Variants in EPS8 observed in about 807,000 individuals in gnomAD.
EPS8 encodes the protein EGFR pathway substrate 8, signaling adaptor, also known as epidermal growth factor receptor kinase substrate 8.
Under a neutral mutation model 103.8 loss-of-function variants are expected in EPS8, and 42 were observed. The ratio of observed to expected loss-of-function variants is 0.40; its 90% CI spans 0.32 to 0.52. The LOEUF (loss-of-function observed/expected upper bound fraction) is 0.52. EPS8 is among the 20% of genes least tolerant of loss of function. The pLI, the probability that EPS8 is intolerant of heterozygous loss-of-function variation, is 0.40. For missense variants in EPS8, 969 were observed against 1,005.1 expected (o/e 0.96, Z 0.49); for synonymous variants, 344 against 344.6 (o/e 1.00, Z 0.02).
At chr12:15,691,673 G>A (rs1946174087) in intron 1 of EPS8, among the ~76,000 whole-genome samples, 1 of 152,170 alleles carries the variant, frequency 6.6e-6, no homozygotes. Flanking sequence ...TATGAGGGAT[G>A]AGGTTGGAGA....
chr12:15,718,613 C>T (rs1345171250), intron 1 of EPS8, among the ~76,000 whole-genome samples: 2 of 152,138 alleles, frequency 1.3e-5, no homozygotes, highest in African/African-American at 4.8e-5. Context: ...TCACCTGGCT[C>T]AAATGGAACT....
rs1455142731 is a variant in EPS8, at chr12:15,780,952, T to C, written c.-22+8209A>G. Among the ~76,000 whole-genome samples the C allele has an allele frequency of 6.6e-6, 1 of 152,228 alleles. No homozygotes were observed. The highest frequency in any genetic ancestry group is 6.5e-5 in the Admixed American group (1 of 15,282). ...CAGCAAGCCTTTTGTGAGTGTGTCATATGGCTGACACATATGGTCATATGT... is the reference window on the plus strand; with the variant it reads ...CAGCAAGCCTTTTGTGAGTGTGTCACATGGCTGACACATATGGTCATATGT... On this transcript the variant is annotated intron_variant, in intron 1 of 20. Coordinates refer to ENST00000281172, the MANE Select transcript of EPS8 (RefSeq NM_004447.6). The surrounding 1 kb of genome is among the most constrained non-coding windows in gnomAD (Gnocchi z 4.1).
chr12:15,667,173 C>G (rs1448273746), intron 6 of EPS8, among the ~76,000 whole-genome samples: 4 of 152,164 alleles, frequency 2.6e-5, no homozygotes, highest in African/African-American at 9.7e-5. Flanking sequence ...GATCATTACT[C>G]TATATTAGAA....
At chr12:15,666,367 T>C (rs574432254) in intron 7 of EPS8, 73 bp downstream of exon 7, 2 of 1,115,898 alleles carry the variant, frequency 1.8e-6, no homozygotes, top group African/African-American at 3.1e-5. Flanking sequence ...GAAAATAATT[T>C]TTCTAACTCT....
intron 18 of EPS8, among the ~76,000 whole-genome samples, chr12:15,626,306 T>C (rs994051785): frequency 1.3e-5 from 2 of 152,158 alleles, no homozygotes; most frequent in Non-Finnish European, 2.9e-5. Flanking sequence ...TTTCTCTTCA[T>C]TCTCTTCTCA....
At chr12:15,732,490 A>G (rs1247659077) in intron 1 of EPS8, among the ~76,000 whole-genome samples, 1 of 152,134 alleles carries the variant, frequency 6.6e-6, no homozygotes, top group African/African-American at 2.4e-5. Flanking sequence ...CCCTTTTACA[A>G]CTATAACATT....
chr12:15,748,280 A>G lies in EPS8; in HGVS notation c.-22+40881T>C, dbSNP rs1946896084. Among the ~76,000 whole-genome samples, 1 of 152,222 alleles carries G rather than the reference A, an allele frequency of 6.6e-6. No individual in the cohort carries two copies. Among genetic ancestry groups the G allele is most frequent in the Non-Finnish European group, 1.5e-5 (1 of 68,042 alleles). On this transcript the variant is annotated intron_variant, in intron 1 of 20. Coordinates refer to ENST00000281172, the MANE Select transcript of EPS8 (RefSeq NM_004447.6). This position sits in a 1 kb window ranked among gnomAD's most constrained non-coding sequence, Gnocchi z 4.8. Reference sequence around the variant, plus strand: ...TTGAAAACTTCGAAATTCTTCACAAATATCAATTAAAATATTATGAAGTAA... The same window carrying G: ...TTGAAAACTTCGAAATTCTTCACAAGTATCAATTAAAATATTATGAAGTAA...
At chr12:15,676,977 A>T (rs1201885009) in intron 3 of EPS8, among the ~76,000 whole-genome samples, 4 of 152,218 alleles carry the variant, frequency 2.6e-5, no homozygotes, top group African/African-American at 9.7e-5. Context: ...CAATTATACC[A>T]CTTATAAAAA....
At chr12:15,678,171 T>G (rs1945942053) in intron 3 of EPS8, among the ~76,000 whole-genome samples, 1 of 151,216 alleles carries the variant, frequency 6.6e-6, no homozygotes, top group Non-Finnish European at 1.5e-5. Context: ...CAAAGCTACC[T>G]AAAAAAAAAC....
chr12:15,704,757 G>A lies in EPS8; in HGVS notation c.-21-21785C>T, dbSNP rs10744097. Among the ~76,000 whole-genome samples, 139,758 of 152,210 alleles carry A rather than the reference G, an allele frequency of 0.92. 65,293 individuals are homozygous for A. The highest frequency in any genetic ancestry group is 1 in the Non-Finnish European group (67,898 of 68,028). The stretch of plus-strand genomic sequence containing the variant: ...AATATCAACTTTATCACAATAATTA[G>A]AGAAATCTGAGGAACAAATGAACTA... On this transcript the variant is annotated intron_variant, in intron 1 of 20. Transcript: ENST00000281172. This position sits in a 1 kb window ranked among gnomAD's most constrained non-coding sequence, Gnocchi z 4.6.
chr12:15,710,881 T>G (rs918423837), intron 1 of EPS8, among the ~76,000 whole-genome samples: 1 of 152,090 alleles, frequency 6.6e-6, no homozygotes, highest in Non-Finnish European at 1.5e-5. Flanking sequence ...AAGGCTAGAA[T>G]TTTTTCTAAG....
At chr12:15,639,387 T>C (rs1945190559) in intron 17 of EPS8, among the ~76,000 whole-genome samples, 1 of 149,248 alleles carries the variant, frequency 6.7e-6, no homozygotes, top group East Asian at 2.0e-4. Context: ...ACTAAGAAAA[T>C]TCACTTCAAA....
rs906412320 is a variant in EPS8, at chr12:15,733,693, G to A, written c.-21-50721C>T. On this transcript the variant is annotated intron_variant, in intron 1 of 20. Coordinates refer to ENST00000281172, the MANE Select transcript of EPS8 (RefSeq NM_004447.6). This position sits in a 1 kb window ranked among gnomAD's most constrained non-coding sequence, Gnocchi z 4.8. ...AAAACAAACAAACAGAAAAACTAAT[G>A]GAGATAGAAGAAATATCCATTCCAT... 2.0e-5 allele frequency among the ~76,000 whole-genome samples: 3 copies of A among 151,894 alleles called. No individual in the cohort carries two copies. The highest frequency in any genetic ancestry group is 7.3e-5 in the African/African-American group (3 of 41,318).
chr12:15,669,601 T>C (rs778865946), intron 5 of EPS8, 63 bp downstream of exon 5: 29 of 1,557,484 alleles, frequency 1.9e-5, no homozygotes, highest in Admixed American at 7.7e-5. Flanking sequence ...TCTGAAATGA[T>C]TGTAAACATT....
At position 15,631,505 on chromosome 12, in the gene EPS8, A is replaced by T. The variant is rs1173001683; in HGVS notation, c.1981T>A (p.Ser661Thr). 1 of 1,613,792 alleles carries T rather than the reference A, an allele frequency of 6.2e-7. No individual in the cohort carries two copies. The highest frequency in any genetic ancestry group is 8.5e-7 in the Non-Finnish European group (1 of 1,179,988). ...PANITRQNSS[S>T]SDSGGSIVRD... is the part of the protein sequence containing the mutation. ...ACGATACTGCCACCACTGTCACTGG[A>T]GCTGCTGTTTTGACGTGTTATATTT... Residue 661 changes from serine (S) to threonine (T), a missense_variant, in exon 18 of 21, where the codon TCC becomes ACC. By Grantham distance (58) the Ser-to-Thr change is moderately conservative. Coordinates refer to ENST00000281172, the MANE Select transcript of EPS8 (RefSeq NM_004447.6).
At chr12:15,707,664 G>C (rs1946405776) in intron 1 of EPS8, among the ~76,000 whole-genome samples, 1 of 151,934 alleles carries the variant, frequency 6.6e-6, no homozygotes, top group Non-Finnish European at 1.5e-5. Flanking sequence ...ATTACTACTA[G>C]TGATTTATGC....
In EPS8 at chr12:15,760,750, C is replaced by T. The variant is rs774903333; in HGVS notation, c.-22+28411G>A. On this transcript the variant is annotated intron_variant, in intron 1 of 20. Transcript: ENST00000281172. The surrounding 1 kb of genome is among the most constrained non-coding windows in gnomAD (Gnocchi z 4.5). ...AAATGCATTTGATTAAATTTAACAT[C>T]CCTTCATGATAAAAACCCTCAAAAA... Among the ~76,000 whole-genome samples, 21 of 152,012 alleles carry T rather than the reference C, an allele frequency of 1.4e-4. No homozygotes were observed. The highest frequency in any genetic ancestry group is 2.8e-4 in the Non-Finnish European group (19 of 67,944).
At chr12:15,773,908 AG>A (rs1947180683) in intron 1 of EPS8, among the ~76,000 whole-genome samples, 1 of 152,146 alleles carries the variant, frequency 6.6e-6, no homozygotes, top group South Asian at 2.1e-4. Context: ...TTTATAATAA[AG>A]GCTAGAAATT....
chr12:15,666,534 C>T lies in EPS8; in HGVS notation c.517-12G>A, dbSNP rs1038922540. ...CTAATTAGGTTTGCCTGCAAAGAGACACAAGTTACCTGAAAGTTTATGGAT... is the reference window on the plus strand; with the variant it reads ...CTAATTAGGTTTGCCTGCAAAGAGATACAAGTTACCTGAAAGTTTATGGAT... On this transcript the variant is annotated splice_polypyrimidine_tract_variant and intron_variant, in intron 6 of 20. Coordinates refer to ENST00000281172, the MANE Select transcript of EPS8 (RefSeq NM_004447.6). 1 of 1,597,760 alleles carries T rather than the reference C, an allele frequency of 6.3e-7. No individual in the cohort carries two copies. Among genetic ancestry groups the T allele is most frequent in the Non-Finnish European group, 8.6e-7 (1 of 1,165,514 alleles).
Sources: allele counts gnomAD v4.1 joint callset (sites outside exome capture counted in the v4.1 genomes callset), GRCh38; gene constraint gnomAD v4.1.1; non-coding constraint Gnocchi (gnomAD v3.1); transcripts MANE v1.5; gene names NCBI Gene and HGNC (gene_info 2026-07-23, HGNC 2026-07-21).